DCDC2: variants seen among roughly 807,000 people sequenced by gnomAD.
DCDC2 encodes the protein doublecortin domain containing 2, also known as doublecortin domain-containing protein 2.
A neutral mutation model predicts 50.2 loss-of-function variants in DCDC2; 40 were observed. The ratio of observed to expected loss-of-function variants is 0.80; its 90% CI spans 0.62 to 1.04. The LOEUF is 1.04. Among genes scored for constraint, DCDC2 ranks in the 50% least tolerant of loss-of-function variants. The probability of loss-of-function intolerance (pLI) is 0.00; values close to 1 mark genes in which losing one functional copy is unlikely to be tolerated. For missense variants in DCDC2, 570 were observed against 581.9 expected, an observed-to-expected ratio of 0.98 and a Z score of 0.21; for synonymous variants, 234 against 210.6, an observed-to-expected ratio of 1.11 and a Z score of -0.96.
intron 2 of DCDC2, among the ~76,000 whole-genome samples, chr6:24,325,250 A>G (rs538621387): frequency 1.3e-5 from 2 of 149,858 alleles, no homozygotes; most frequent in African/African-American, 4.8e-5. Context: ...TACATTTGCC[A>G]TCTTTATTCT....
chr6:24,294,069 A>G (rs1357003290), intron 4 of DCDC2, among the ~76,000 whole-genome samples: 2 of 152,198 alleles, frequency 1.3e-5, no homozygotes, highest in Non-Finnish European at 2.9e-5. Context: ...GCCCACATCA[A>G]AAAGTTGCCT....
At chr6:24,357,147 G>A in intron 1 of DCDC2, 1 of 249,452 alleles carries the variant, frequency 4.0e-6, no homozygotes, top group Admixed American at 5.2e-5. Context: ...AAACTGAACA[G>A]AAAACGCAAA....
At chr6:24,275,141 G>C (rs1324630552) in intron 7 of DCDC2, among the ~76,000 whole-genome samples, 1 of 152,048 alleles carries the variant, frequency 6.6e-6, no homozygotes, top group Non-Finnish European at 1.5e-5. Context: ...TGAAACATGA[G>C]TATTCAAAAG....
chr6:24,360,250 G>A (rs572280543), upstream of DCDC2, among the ~76,000 whole-genome samples: 7 of 152,334 alleles, frequency 4.6e-5, no homozygotes, highest in Admixed American at 3.9e-4. Flanking sequence ...GGGCAGAGGC[G>A]GAAGAACAGG....
At chr6:24,315,049 G>A (rs949767219) in intron 2 of DCDC2, among the ~76,000 whole-genome samples, 9 of 151,774 alleles carry the variant, frequency 5.9e-5, no homozygotes, top group South Asian at 2.1e-4. Flanking sequence ...GTTCATGTCC[G>A]TTTTCCCCAT....
At chr6:24,306,360 C>T (rs552309254) in intron 2 of DCDC2, among the ~76,000 whole-genome samples, 2 of 152,206 alleles carry the variant, frequency 1.3e-5, no homozygotes, top group South Asian at 4.2e-4. Flanking sequence ...CTGCACTGGG[C>T]TCAACATTGT....
Position 24,180,012 on chromosome 6 carries a change from C to T in DCDC2, c.1024-1380G>A, listed in dbSNP as rs572319429. On this transcript the variant is annotated intron_variant, in intron 8 of 9. Coordinates refer to ENST00000378454, the MANE Select transcript of DCDC2 (RefSeq NM_016356.5). Reference sequence around the variant, plus strand: ...GGAACAGGAGGCCAGCTTTCAGAGCCAAGACTTTGGAGAAAAACCCAGGTT... The same window carrying T: ...GGAACAGGAGGCCAGCTTTCAGAGCTAAGACTTTGGAGAAAAACCCAGGTT... Among the ~76,000 whole-genome samples, 5 of 151,252 alleles carry T rather than the reference C, an allele frequency of 3.3e-5. No homozygotes were observed. In the South Asian group the frequency reaches 1.0e-3, roughly 32 times the overall value.
intron 2 of DCDC2, among the ~76,000 whole-genome samples, chr6:24,312,796 C>T (rs1156665478): frequency 6.6e-6 from 1 of 152,168 alleles, no homozygotes; most frequent in Admixed American, 6.5e-5. Context: ...TACCTCCATT[C>T]ACTGAGACAG....
chr6:24,294,516 A>G (rs1189690742), intron 4 of DCDC2, among the ~76,000 whole-genome samples: 1 of 152,108 alleles, frequency 6.6e-6, no homozygotes, highest in Non-Finnish European at 1.5e-5. Context: ...TATTCAAAAG[A>G]TCAATGGATC....
chr6:24,348,921 T>A (rs1023814249), intron 2 of DCDC2, among the ~76,000 whole-genome samples: 3 of 152,170 alleles, frequency 2.0e-5, no homozygotes, highest in African/African-American at 7.2e-5. Context: ...CCAGCCCATC[T>A]AAGTGCTCCA....
At chr6:24,375,795 G>T in the DCDC2 span, among the ~76,000 whole-genome samples, 1 of 151,986 alleles carries the variant, frequency 6.6e-6, no homozygotes, top group African/African-American at 2.4e-5. Context: ...GGTACTTGAT[G>T]AATACATTAA....
At chr6:24,314,687 T>C (rs142501794) in intron 2 of DCDC2, among the ~76,000 whole-genome samples, 37 of 152,218 alleles carry the variant, frequency 2.4e-4, no homozygotes, top group Admixed American at 9.8e-4. Flanking sequence ...GTTTTTAATA[T>C]AATAACCTAT....
intron 7 of DCDC2, among the ~76,000 whole-genome samples, chr6:24,246,675 C>T (rs141014144): frequency 0.046 from 6,920 of 151,708 alleles, 243 homozygotes; most frequent in East Asian, 0.14. Flanking sequence ...TTAGTAGAGA[C>T]AGGGTTTCAC....
At chr6:24,354,002 A>AGGAAGTACTGATAGCGTGCATTAG (rs1204036079) in intron 1 of DCDC2, among the ~76,000 whole-genome samples, 1 of 152,212 alleles carries the variant, frequency 6.6e-6, no homozygotes, top group Non-Finnish European at 1.5e-5. Context: ...TTTAGGTCAA[A>AGGAAGTACTGATAGCGTGCATTAG]GGAAGTACTG....
upstream of DCDC2, among the ~76,000 whole-genome samples, chr6:24,360,136 G>T (rs996109268): frequency 2.0e-5 from 3 of 152,226 alleles, no homozygotes; most frequent in African/African-American, 7.2e-5. Context: ...GAACGGAGTT[G>T]TTATTTCCCG....
chr6:24,178,694 C>T, intron 8 of DCDC2, 62 bp from the exon 9 acceptor site: 1 of 1,444,522 alleles, frequency 6.9e-7, no homozygotes, highest in Non-Finnish European at 9.4e-7. Flanking sequence ...TTCCACTGCA[C>T]ATCATAGTAA....
upstream of DCDC2, among the ~76,000 whole-genome samples, chr6:24,362,244 T>A: frequency 6.7e-6 from 1 of 150,196 alleles, no homozygotes; most frequent in South Asian, 2.1e-4. Context: ...TTTTATTTAA[T>A]TGTATATTTA....
intron 7 of DCDC2, among the ~76,000 whole-genome samples, chr6:24,265,161 T>C (rs1763092789): frequency 6.6e-6 from 1 of 151,574 alleles, no homozygotes; most frequent in Admixed American, 6.6e-5. Context: ...AAAAGAAAAC[T>C]ATAAAGGGAG....
upstream of DCDC2, among the ~76,000 whole-genome samples, chr6:24,358,905 TTA>T (rs1409520232): frequency 1.1e-4 from 4 of 35,270 alleles, 1 homozygote; most frequent in East Asian, 1.0e-3. Context: ...ATATAATATA[TTA>T]TATATTATAT....
Sources: gnomAD v4.1 joint callset for allele counts (sites outside exome capture counted in the v4.1 genomes callset) on GRCh38, gnomAD v4.1.1 for gene constraint, MANE v1.5 for transcripts, NCBI Gene and HGNC (gene_info 2026-07-23, HGNC 2026-07-21) for gene names.